MAGI3: variants seen among roughly 807,000 people sequenced by gnomAD.
MAGI3 encodes membrane associated guanylate kinase, WW and PDZ domain containing 3.
A neutral mutation model predicts 121.8 loss-of-function variants in MAGI3; 43 were observed. The ratio of observed to expected loss-of-function variants is 0.35; its 90% CI spans 0.28 to 0.46. MAGI3 has a LOEUF of 0.46. MAGI3 is among the 20% of genes least tolerant of loss of function. The pLI is 1.00. For synonymous variants in MAGI3, 553 were observed against 639.3 expected, an observed-to-expected ratio of 0.86 and a Z score of 2.04; for missense variants, 1,547 against 1,797.3, an observed-to-expected ratio of 0.86 and a Z score of 2.52.
intron 9 of MAGI3, among the ~76,000 whole-genome samples, chr1:113,623,574 G>A (rs1651012990): frequency 6.6e-6 from 1 of 150,592 alleles, no homozygotes; most frequent in African/African-American, 2.4e-5. Context: ...TGCAAACTCC[G>A]TCTCCCGGGT....
At chr1:113,635,320 G>A (rs1651931781) in intron 9 of MAGI3, among the ~76,000 whole-genome samples, 1 of 152,144 alleles carries the variant, frequency 6.6e-6, no homozygotes, top group Non-Finnish European at 1.5e-5. Context: ...CAAAGGGAAT[G>A]CTTCCAGTTT....
At chr1:113,535,055 G>T (rs1049916204) in intron 1 of MAGI3, among the ~76,000 whole-genome samples, 2 of 152,134 alleles carry the variant, frequency 1.3e-5, no homozygotes, top group African/African-American at 4.8e-5. Flanking sequence ...AACCAGGACT[G>T]ACTTCTCTAG....
intron 15 of MAGI3, 99 bp downstream of exon 15, chr1:113,654,117 C>G: frequency 1.1e-6 from 1 of 919,934 alleles, no homozygotes; most frequent in Admixed American, 2.6e-5. Flanking sequence ...TATAAAATGC[C>G]TTAGGTACTT....
chr1:113,600,744 A>G (rs1243013039), intron 6 of MAGI3, among the ~76,000 whole-genome samples: 1 of 152,204 alleles, frequency 6.6e-6, no homozygotes, highest in Non-Finnish European at 1.5e-5. Context: ...ATGGAACCAA[A>G]AAAGAGTCCG....
intron 1 of MAGI3, among the ~76,000 whole-genome samples, chr1:113,434,577 G>GAATGGT (rs1175133313): frequency 2.6e-5 from 4 of 152,152 alleles, no homozygotes; most frequent in Non-Finnish European, 4.4e-5. Context: ...TTTTACAGCT[G>GAATGGT]CTCTCTTTAT....
chr1:113,434,385 C>T (rs1419391584), intron 1 of MAGI3, among the ~76,000 whole-genome samples: 1 of 152,166 alleles, frequency 6.6e-6, no homozygotes, highest in Non-Finnish European at 1.5e-5. Flanking sequence ...GCCTGGACAA[C>T]ATAGCGAGAC....
At chr1:113,443,957 G>C (rs1370681755) in intron 1 of MAGI3, among the ~76,000 whole-genome samples, 1 of 152,188 alleles carries the variant, frequency 6.6e-6, no homozygotes, top group African/African-American at 2.4e-5. Flanking sequence ...GACGGAGTGG[G>C]AAGCATCAGA....
chr1:113,432,189 C>A (rs1257708269), intron 1 of MAGI3, among the ~76,000 whole-genome samples: 1 of 152,156 alleles, frequency 6.6e-6, no homozygotes, highest in Non-Finnish European at 1.5e-5. Flanking sequence ...TATAAAAATC[C>A]ATTTCAGGCA....
In MAGI3 at chr1:113,459,006, A is replaced by T. The variant is rs1277328423; in HGVS notation, c.316+67657A>T. 2.6e-5 allele frequency among the ~76,000 whole-genome samples: 4 copies of T among 152,364 alleles called. No individual in the cohort carries two copies. The East Asian group carries it at 7.7e-4, about 29-fold the overall frequency. On this transcript the variant is annotated intron_variant, in intron 1 of 20. Coordinates refer to ENST00000307546, the MANE Select transcript of MAGI3 (RefSeq NM_001142782.2). Reference sequence around the variant, plus strand: ...GACACATACATATTCAAAATGAGAAAAAGTCCTTTGAATATAATCATCAAT... The same window carrying T: ...GACACATACATATTCAAAATGAGAATAAGTCCTTTGAATATAATCATCAAT...
intron 11 of MAGI3, among the ~76,000 whole-genome samples, chr1:113,644,080 T>C (rs1293935614): frequency 6.6e-6 from 1 of 152,150 alleles, no homozygotes; most frequent in Non-Finnish European, 1.5e-5. Context: ...GTCTTTTTAC[T>C]TTTGTGTTTC....
At chr1:113,525,336 G>A (rs1213849890) in intron 1 of MAGI3, among the ~76,000 whole-genome samples, 1 of 152,070 alleles carries the variant, frequency 6.6e-6, no homozygotes, top group African/African-American at 2.4e-5. Flanking sequence ...TGACTCTTCA[G>A]TCTGTTAATT....
intron 1 of MAGI3, among the ~76,000 whole-genome samples, chr1:113,521,473 T>A (rs1405842667): frequency 6.6e-6 from 1 of 150,708 alleles, no homozygotes; most frequent in Admixed American, 6.6e-5. Context: ...AGTGGCGTGA[T>A]CTCAGCTCAC....
At chr1:113,511,038 G>A (rs1312177110) in intron 1 of MAGI3, among the ~76,000 whole-genome samples, 1 of 152,194 alleles carries the variant, frequency 6.6e-6, no homozygotes, top group Non-Finnish European at 1.5e-5. Context: ...CAATATTTTT[G>A]TAAATCCCTT....
intron 19 of MAGI3, among the ~76,000 whole-genome samples, chr1:113,680,495 C>T (rs1376726456): frequency 1.3e-5 from 2 of 152,104 alleles, no homozygotes; most frequent in African/African-American, 4.8e-5. Flanking sequence ...CGGTGGCTCA[C>T]GCCTGTAATC....
At chr1:113,638,350 T>C (rs1196253568) in intron 9 of MAGI3, among the ~76,000 whole-genome samples, 1 of 152,186 alleles carries the variant, frequency 6.6e-6, no homozygotes, top group Admixed American at 6.5e-5. Context: ...TCTTTCCCCC[T>C]CTTTGTGGTT....
intron 1 of MAGI3, among the ~76,000 whole-genome samples, chr1:113,527,800 A>G (rs1056979110): frequency 5.9e-5 from 9 of 152,188 alleles, no homozygotes; most frequent in Non-Finnish European, 1.3e-4. Flanking sequence ...TCTATAAATT[A>G]TTTGTCTTAA....
intron 1 of MAGI3, among the ~76,000 whole-genome samples, chr1:113,443,270 G>C (rs1003313891): frequency 1.3e-5 from 2 of 152,288 alleles, no homozygotes; most frequent in South Asian, 2.1e-4. Context: ...CTGAGTTCCA[G>C]TAGTTCTGAT....
chr1:113,663,876 GT>G (rs1355799025), intron 16 of MAGI3, among the ~76,000 whole-genome samples: 2 of 152,026 alleles, frequency 1.3e-5, no homozygotes, highest in African/African-American at 4.8e-5. Flanking sequence ...TGTTTCAGGG[GT>G]TTGTTTTCTA....
intron 1 of MAGI3, among the ~76,000 whole-genome samples, chr1:113,489,459 C>G (rs1235352483): frequency 6.6e-6 from 1 of 152,038 alleles, no homozygotes; most frequent in Non-Finnish European, 1.5e-5. Context: ...GCACAAGAAC[C>G]CTGACAACTC....
Sources: gnomAD v4.1 joint callset for allele counts (sites outside exome capture counted in the v4.1 genomes callset) on GRCh38, gnomAD v4.1.1 for gene constraint, MANE v1.5 for transcripts, NCBI Gene and HGNC (gene_info 2026-07-23, HGNC 2026-07-21) for gene names.